The following SHC3 variants were observed in gnomAD, a reference collection of about 807,000 sequenced individuals.
SHC3 encodes SHC adaptor protein 3.
Under a neutral mutation model 60.4 loss-of-function variants are expected in SHC3, and 15 were observed. That is an observed-to-expected ratio of 0.25 (90% confidence interval 0.17 to 0.38). SHC3 has a LOEUF of 0.38. Among genes scored for constraint, SHC3 ranks in the 10% least tolerant of loss-of-function variants. The probability of loss-of-function intolerance (pLI) is 1.00; values close to 1 mark genes in which losing one functional copy is unlikely to be tolerated. For synonymous variants in SHC3, 294 were observed against 325.9 expected (o/e 0.90, Z 1.05); for missense variants, 677 against 786.1 (o/e 0.86, Z 1.66).
chr9:89,046,051 T>G (rs1281957808), intron 8 of SHC3, among the ~76,000 whole-genome samples: 1 of 148,774 alleles, frequency 6.7e-6, no homozygotes, highest in Admixed American at 6.7e-5. Flanking sequence ...AAACTACACA[T>G]GCCCCCCCGC....
intron 1 of SHC3, among the ~76,000 whole-genome samples, chr9:89,160,197 A>T (rs975480493): frequency 6.6e-6 from 1 of 152,162 alleles, no homozygotes; most frequent in Non-Finnish European, 1.5e-5. Context: ...CTTCAGTGGC[A>T]CATCTTCCCC....
intron 4 of SHC3, among the ~76,000 whole-genome samples, chr9:89,071,587 G>A (rs560630859): frequency 2.6e-5 from 4 of 152,234 alleles, no homozygotes; most frequent in Non-Finnish European, 5.9e-5. Flanking sequence ...GCAGAGCTGC[G>A]ATCTAACACG....
chr9:89,014,795 C>A (rs996261678), intron 11 of SHC3, among the ~76,000 whole-genome samples: 7 of 152,158 alleles, frequency 4.6e-5, no homozygotes, highest in Non-Finnish European at 1.0e-4. Context: ...GACTTTCAAC[C>A]CCCATCCTGC....
chr9:89,075,087 G>T, intron 4 of SHC3, 22 bp downstream of exon 4: 1 of 1,611,956 alleles, frequency 6.2e-7, no homozygotes, highest in South Asian at 1.1e-5. Context: ...GGCAGGGACA[G>T]GGGATCTGAG....
chr9:89,176,373 T>G (rs1000511909), intron 1 of SHC3, among the ~76,000 whole-genome samples: 1 of 152,250 alleles, frequency 6.6e-6, no homozygotes, highest in Non-Finnish European at 1.5e-5. Context: ...AAAAGCAAAG[T>G]TCTAAGCAAA....
chr9:89,168,861 C>T (rs1826828029), intron 1 of SHC3, among the ~76,000 whole-genome samples: 1 of 152,178 alleles, frequency 6.6e-6, no homozygotes, highest in South Asian at 2.1e-4. Context: ...AAAAGCCTGA[C>T]CCCTCCCCTG....
chr9:89,047,804 T>C (rs1587694189), intron 7 of SHC3, among the ~76,000 whole-genome samples: 1 of 152,134 alleles, frequency 6.6e-6, no homozygotes. Flanking sequence ...GACTGTAAAA[T>C]GGTGCAGCCA....
intron 4 of SHC3, among the ~76,000 whole-genome samples, chr9:89,073,783 T>G (rs1209814359): frequency 6.6e-6 from 1 of 152,090 alleles, no homozygotes; most frequent in Non-Finnish European, 1.5e-5. Context: ...CCCACAGATT[T>G]AAGAAGTCTG....
chr9:89,072,569 T>C (rs901802044), intron 4 of SHC3, among the ~76,000 whole-genome samples: 4 of 152,212 alleles, frequency 2.6e-5, no homozygotes, highest in Non-Finnish European at 4.4e-5. Context: ...GAAATTTCCA[T>C]TAGCTTTATA....
intron 1 of SHC3, among the ~76,000 whole-genome samples, chr9:89,164,341 G>A (rs1826754123): frequency 6.6e-6 from 1 of 152,124 alleles, no homozygotes; most frequent in African/African-American, 2.4e-5. Flanking sequence ...TTGCTTATGT[G>A]AGCTGAGTCT....
chr9:89,061,734 C>T (rs372047296), intron 6 of SHC3, among the ~76,000 whole-genome samples: 5 of 152,208 alleles, frequency 3.3e-5, no homozygotes, highest in Non-Finnish European at 5.9e-5. Context: ...TTAAATTGCA[C>T]GCCATTCTGA....
chr9:89,115,407 C>G (rs978309272), intron 1 of SHC3, among the ~76,000 whole-genome samples: 36 of 152,152 alleles, frequency 2.4e-4, no homozygotes, highest in African/African-American at 8.7e-4. Context: ...TATGGGAACA[C>G]CACATTCACT....
intron 6 of SHC3, among the ~76,000 whole-genome samples, chr9:89,065,248 G>A (rs930680007): frequency 6.6e-6 from 1 of 152,170 alleles, no homozygotes; most frequent in East Asian, 1.9e-4. Flanking sequence ...AGGAGTAACC[G>A]AGGCCACTGT....
Position 89,046,901 on chromosome 9 carries a change from T to C in SHC3, c.1056A>G (p.Pro352=). Residue 352 remains proline, a synonymous_variant, in exon 8 of 12, where the codon CCA becomes CCG. Coordinates refer to ENST00000375835, the MANE Select transcript of SHC3 (RefSeq NM_016848.6). ...TCAGTCTAGTATCAAGAAAGCCCCC[T>C]GGAGGAGGCATCTTGCTTGGGATGC... The part of the protein sequence containing the change: ...YNSIPSKMPP[P]GGFLDTRLKP... The C allele has an allele frequency of 1.2e-6, 2 of 1,610,944 alleles. No individual in the cohort carries two copies. The highest frequency in any genetic ancestry group is 1.7e-6 in the Non-Finnish European group (2 of 1,178,704).
intron 6 of SHC3, among the ~76,000 whole-genome samples, chr9:89,064,314 C>T (rs1043210779): frequency 6.6e-6 from 1 of 152,194 alleles, no homozygotes; most frequent in African/African-American, 2.4e-5. Flanking sequence ...TCTTTTTCTG[C>T]ATCACAGGTC....
At chr9:89,066,156 C>T (rs537245384) in intron 5 of SHC3, among the ~76,000 whole-genome samples, 11 of 152,226 alleles carry the variant, frequency 7.2e-5, no homozygotes, top group South Asian at 6.2e-4. Context: ...TAAAATAGAA[C>T]GCTAAGCCAT....
At chr9:89,018,955 A>T (rs879734452) in intron 11 of SHC3, among the ~76,000 whole-genome samples, 2 of 151,748 alleles carry the variant, frequency 1.3e-5, no homozygotes, top group Non-Finnish European at 2.9e-5. Context: ...GCTACTCGGA[A>T]GGCTGAGGCA....
At chr9:89,068,631 A>T (rs1013918402) in intron 5 of SHC3, among the ~76,000 whole-genome samples, 1 of 152,164 alleles carries the variant, frequency 6.6e-6, no homozygotes, top group African/African-American at 2.4e-5. Flanking sequence ...AAGGTTGTGG[A>T]TTACTTTAAG....
At chr9:89,066,219 C>G (rs1274379342) in intron 5 of SHC3, among the ~76,000 whole-genome samples, 4 of 152,144 alleles carry the variant, frequency 2.6e-5, no homozygotes, top group Non-Finnish European at 4.4e-5. Flanking sequence ...TCAAAATTTG[C>G]ATTTCTGTCA....
Sources: gnomAD v4.1 joint callset for allele counts (sites outside exome capture counted in the v4.1 genomes callset) on GRCh38, gnomAD v4.1.1 for gene constraint, MANE v1.5 for transcripts, NCBI Gene and HGNC (gene_info 2026-07-23, HGNC 2026-07-21) for gene names.